Variants in MAN1C1 observed in about 807,000 individuals in gnomAD.
MAN1C1 encodes the protein mannosyl-oligosaccharide 1,2-alpha-mannosidase IC.
MAN1C1 carries 49 observed loss-of-function variants against 71.5 expected under a neutral mutation model. The observed-to-expected ratio is 0.69, with a 90% CI of 0.54 to 0.87. MAN1C1 has a LOEUF of 0.87. Among genes scored for constraint, MAN1C1 ranks in the 40% least tolerant of loss-of-function variants. MAN1C1 has a pLI of 0.00. For synonymous variants in MAN1C1, 352 were observed against 343.7 expected, an observed-to-expected ratio of 1.02 and a Z score of -0.27; for missense variants, 743 against 835.0, an observed-to-expected ratio of 0.89 and a Z score of 1.36.
intron 2 of MAN1C1, among the ~76,000 whole-genome samples, chr1:25,733,539 C>T (rs3014692): frequency 6.6e-6 from 1 of 152,108 alleles, no homozygotes; most frequent in African/African-American, 2.4e-5. Flanking sequence ...TGTGCTCCCC[C>T]GCCACACCTA....
intron 2 of MAN1C1, among the ~76,000 whole-genome samples, chr1:25,745,434 T>C (rs1473625801): frequency 6.6e-6 from 1 of 152,078 alleles, no homozygotes; most frequent in Non-Finnish European, 1.5e-5. Flanking sequence ...TCAGAGGTAG[T>C]CAGTGGGTCA....
At chr1:25,707,508 T>TA (rs2046540640) in intron 2 of MAN1C1, among the ~76,000 whole-genome samples, 1 of 152,256 alleles carries the variant, frequency 6.6e-6, no homozygotes, top group South Asian at 2.1e-4. Context: ...TGGGAAAGGC[T>TA]ACTTCAGGCC....
At chr1:25,747,882 A>T (rs1557790608) in intron 3 of MAN1C1, among the ~76,000 whole-genome samples, 1 of 152,188 alleles carries the variant, frequency 6.6e-6, no homozygotes, top group Non-Finnish European at 1.5e-5. Context: ...GAGAGTTGTA[A>T]CCGCATTTTA....
chr1:25,755,580 G>A (rs991368062), intron 5 of MAN1C1, among the ~76,000 whole-genome samples: 1 of 152,198 alleles, frequency 6.6e-6, no homozygotes, highest in Non-Finnish European at 1.5e-5. Context: ...GTGAGCACGT[G>A]ACATGGATTG....
chr1:25,623,692 G>A (rs950859698), intron 1 of MAN1C1, among the ~76,000 whole-genome samples: 5 of 151,710 alleles, frequency 3.3e-5, no homozygotes, highest in African/African-American at 1.2e-4. Flanking sequence ...AAGCTGCTTG[G>A]TAATCCAGGT....
chr1:25,698,063 G>T (rs1368878511), intron 2 of MAN1C1, among the ~76,000 whole-genome samples: 1 of 152,120 alleles, frequency 6.6e-6, no homozygotes. Flanking sequence ...GGTGATTTGG[G>T]GCTCCCACAC....
At chr1:25,713,533 G>A (rs1461203929) in intron 2 of MAN1C1, among the ~76,000 whole-genome samples, 3 of 152,216 alleles carry the variant, frequency 2.0e-5, no homozygotes, top group African/African-American at 7.2e-5. Flanking sequence ...GCACAATCTA[G>A]GCACAGGCTC....
intron 1 of MAN1C1, among the ~76,000 whole-genome samples, chr1:25,622,803 C>G (rs1488291502): frequency 6.6e-6 from 1 of 152,204 alleles, no homozygotes; most frequent in East Asian, 1.9e-4. Flanking sequence ...CTGAATAAGT[C>G]ATCTTGGCAA....
intron 2 of MAN1C1, among the ~76,000 whole-genome samples, chr1:25,690,781 G>GC (rs1457947035): frequency 6.6e-6 from 1 of 152,242 alleles, no homozygotes; most frequent in Non-Finnish European, 1.5e-5. Context: ...GAGGAGACCT[G>GC]CAAAGGCTTA....
At chr1:25,768,899 C>T (rs1174011024) in intron 7 of MAN1C1, among the ~76,000 whole-genome samples, 1 of 147,628 alleles carries the variant, frequency 6.8e-6, no homozygotes, top group East Asian at 2.1e-4. Context: ...ACACATATTA[C>T]ACACACTTTC....
chr1:25,624,592 A>G lies in MAN1C1; in HGVS notation c.540+6255A>G, dbSNP rs182300907. 2.0e-3 allele frequency among the ~76,000 whole-genome samples: 302 copies of G among 152,360 alleles called. 1 individual carries two copies. The highest frequency in any genetic ancestry group is 3.4e-3 in the Middle Eastern group (1 of 294). Reference sequence around the variant, plus strand: ...TAACTTTTACAGAAGAAACTTTGCTATATTGATTAGTGCCCGCCTTGATAG... The same window carrying G: ...TAACTTTTACAGAAGAAACTTTGCTGTATTGATTAGTGCCCGCCTTGATAG... On this transcript the variant is annotated intron_variant, in intron 1 of 11. Transcript: ENST00000374332.
At chr1:25,712,770 C>G (rs912893241) in intron 2 of MAN1C1, among the ~76,000 whole-genome samples, 3 of 152,202 alleles carry the variant, frequency 2.0e-5, no homozygotes, top group African/African-American at 7.2e-5. Context: ...CCTAGTAGGT[C>G]TTAGGCTCCT....
chr1:25,783,065 C>T (rs564674407), intron 11 of MAN1C1, among the ~76,000 whole-genome samples: 1 of 152,190 alleles, frequency 6.6e-6, no homozygotes, highest in South Asian at 2.1e-4. Flanking sequence ...ACTTTCCCTC[C>T]TGTGGCCTCT....
chr1:25,641,110 T>C (rs1403139023), intron 1 of MAN1C1, among the ~76,000 whole-genome samples: 1 of 152,186 alleles, frequency 6.6e-6, no homozygotes, highest in Non-Finnish European at 1.5e-5. Flanking sequence ...GGAGTCTGCT[T>C]TGAAGGGTAG....
At chr1:25,701,236 T>C (rs2046438295) in intron 2 of MAN1C1, among the ~76,000 whole-genome samples, 1 of 152,210 alleles carries the variant, frequency 6.6e-6, no homozygotes, top group Non-Finnish European at 1.5e-5. Flanking sequence ...CTGCACCTGC[T>C]CAGGCACCAT....
intron 2 of MAN1C1, among the ~76,000 whole-genome samples, chr1:25,722,020 T>C (rs1040687515): frequency 1.3e-5 from 2 of 152,218 alleles, no homozygotes; most frequent in Non-Finnish European, 2.9e-5. Flanking sequence ...TGAAACTCTA[T>C]TCTACTCTCA....
At chr1:25,767,876 CACAT>C (rs1448257100) in intron 7 of MAN1C1, among the ~76,000 whole-genome samples, 1 of 106,470 alleles carries the variant, frequency 9.4e-6, no homozygotes, top group Non-Finnish European at 1.8e-5. Flanking sequence ...ACACTCCCCT[CACAT>C]ACATTCACAC....
chr1:25,738,296 G>T (rs1046286291), intron 2 of MAN1C1, among the ~76,000 whole-genome samples: 3 of 152,142 alleles, frequency 2.0e-5, no homozygotes, highest in Non-Finnish European at 2.9e-5. Context: ...ACGAGAAACA[G>T]ACCAGATAGA....
chr1:25,749,341 T>C lies in MAN1C1; in HGVS notation c.834+6T>C. On this transcript the variant is annotated splice_donor_region_variant and intron_variant, in intron 4 of 11. Coordinates refer to ENST00000374332, the MANE Select transcript of MAN1C1 (RefSeq NM_020379.4). ...TCTACCTGACAGGAGAAGAGGTGGG[T>C]TGGCCTTTCATGACCCCTGAACTGT... 1 of 1,608,124 alleles carries C rather than the reference T, an allele frequency of 6.2e-7. No individual in the cohort carries two copies. The highest frequency in any genetic ancestry group is 8.5e-7 in the Non-Finnish European group (1 of 1,176,504).
Sources: gnomAD v4.1 joint callset for allele counts (sites outside exome capture counted in the v4.1 genomes callset) on GRCh38, gnomAD v4.1.1 for gene constraint, MANE v1.5 for transcripts, NCBI Gene and HGNC (gene_info 2026-07-23, HGNC 2026-07-21) for gene names.